EFR3A: variants seen among roughly 807,000 people sequenced by gnomAD.
EFR3A encodes protein EFR3 homolog A.
Under a neutral mutation model 104.4 loss-of-function variants are expected in EFR3A, and 76 were observed. The observed-to-expected ratio is 0.73, with a 90% confidence interval of 0.60 to 0.88. EFR3A has a LOEUF of 0.88. Among genes scored for constraint, EFR3A ranks in the 40% least tolerant of loss-of-function variants. The pLI is 0.00. For synonymous variants in EFR3A, 330 were observed against 330.0 expected, an observed-to-expected ratio of 1.00 and a Z score of 0.00; for missense variants, 985 against 1,012.5, an observed-to-expected ratio of 0.97 and a Z score of 0.37.
chr8:131,909,237 A>G (rs1816393948), intron 1 of EFR3A, among the ~76,000 whole-genome samples: 2 of 152,132 alleles, frequency 1.3e-5, no homozygotes, highest in Non-Finnish European at 2.9e-5. Flanking sequence ...TTTTTTTCCC[A>G]TAAAGATAGT....
At position 131,957,041 on chromosome 8, in the gene EFR3A, CTT is replaced by C. The variant is rs1819035357; in HGVS notation, c.776+1137_776+1138del. On this transcript the variant is annotated intron_variant, in intron 7 of 22. Coordinates refer to ENST00000254624, the MANE Select transcript of EFR3A (RefSeq NM_015137.6). ...AATAAGTTGTACTTGAGTTGAATAA[CTT>C]GAACTCAGTTATATTCTTTTCTACA... Among the ~76,000 whole-genome samples the C allele has an allele frequency of 2.6e-5, 4 of 152,020 alleles. No homozygotes were observed. In the South Asian group the frequency reaches 8.3e-4, roughly 32 times the overall value.
intron 18 of EFR3A, among the ~76,000 whole-genome samples, chr8:131,992,462 AC>A (rs1821239915): frequency 6.6e-6 from 1 of 152,110 alleles, no homozygotes; most frequent in African/African-American, 2.4e-5. Flanking sequence ...GAGATACAAA[AC>A]CCAGAGTCTC....
chr8:131,909,582 T>A (rs1440622770), intron 1 of EFR3A, among the ~76,000 whole-genome samples: 1 of 152,138 alleles, frequency 6.6e-6, no homozygotes, highest in Non-Finnish European at 1.5e-5. Flanking sequence ...TTTATGATTG[T>A]GTTCTTTGCA....
intron 1 of EFR3A, among the ~76,000 whole-genome samples, chr8:131,909,376 G>A (rs111930335): frequency 4.0e-5 from 6 of 151,896 alleles, no homozygotes; most frequent in South Asian, 2.1e-4. Flanking sequence ...CATAGACCCC[G>A]CCTCTACAGA....
intron 8 of EFR3A, among the ~76,000 whole-genome samples, chr8:131,964,377 C>T (rs539411905): frequency 0.02 from 2,980 of 152,168 alleles, 43 homozygotes; most frequent in South Asian, 0.042. Context: ...AGCAAAGTCT[C>T]AGGATACAAA....
intron 2 of EFR3A, among the ~76,000 whole-genome samples, chr8:131,942,307 A>G (rs1818204289): frequency 6.6e-6 from 1 of 152,154 alleles, no homozygotes; most frequent in Admixed American, 6.6e-5. Flanking sequence ...TCAATTTGCC[A>G]TGTTTCTTAT....
chr8:131,915,383 G>A, intron 1 of EFR3A, among the ~76,000 whole-genome samples: 1 of 152,150 alleles, frequency 6.6e-6, no homozygotes, highest in East Asian at 1.9e-4. Context: ...CTGTCAGTAT[G>A]TTCCTAGAAT....
intron 9 of EFR3A, among the ~76,000 whole-genome samples, chr8:131,969,279 G>A (rs1819920998): frequency 6.6e-6 from 1 of 152,072 alleles, no homozygotes; most frequent in African/African-American, 2.4e-5. Flanking sequence ...AATTCAAAGT[G>A]GAAATATATT....
intron 1 of EFR3A, among the ~76,000 whole-genome samples, chr8:131,939,478 G>A (rs1324488862): frequency 6.6e-6 from 1 of 152,128 alleles, no homozygotes; most frequent in Non-Finnish European, 1.5e-5. Context: ...TAAAAGCAGT[G>A]TATAGTGTAT....
chr8:132,002,768 G>C (rs1221422123), intron 21 of EFR3A, 62 bp downstream of exon 21: 2 of 1,334,968 alleles, frequency 1.5e-6, no homozygotes, highest in Non-Finnish European at 2.1e-6. Context: ...ACTCTTCCTT[G>C]GTGATTAGTT....
chr8:131,938,233 CTA>C, intron 1 of EFR3A: 1 of 397,890 alleles, frequency 2.5e-6, no homozygotes, highest in Non-Finnish European at 4.4e-6. Flanking sequence ...ACATGAAGGA[CTA>C]TGTTCAGGTA....
intron 1 of EFR3A, among the ~76,000 whole-genome samples, chr8:131,924,457 A>G (rs1817201088): frequency 6.6e-6 from 1 of 152,114 alleles, no homozygotes; most frequent in South Asian, 2.1e-4. Flanking sequence ...ATATATGTAC[A>G]AGGTTGTCTA....
rs575818829 is a variant in EFR3A, at chr8:131,919,709, G to C, written c.10+15387G>C. Reference sequence around the variant, plus strand: ...CTGGACAGATACTTTTAACAAATGTGAATTTTCAGATGCTCCATCTTTTCT... The same window carrying C: ...CTGGACAGATACTTTTAACAAATGTCAATTTTCAGATGCTCCATCTTTTCT... On this transcript the variant is annotated intron_variant, in intron 1 of 22. Coordinates refer to ENST00000254624, the MANE Select transcript of EFR3A (RefSeq NM_015137.6). 1.5e-4 allele frequency among the ~76,000 whole-genome samples: 22 copies of C among 151,488 alleles called. No individual in the cohort carries two copies. In the South Asian group the frequency reaches 4.4e-3, roughly 30 times the overall value.
intron 8 of EFR3A, among the ~76,000 whole-genome samples, chr8:131,963,781 T>C (rs1221329092): frequency 6.6e-6 from 1 of 152,144 alleles, no homozygotes; most frequent in Non-Finnish European, 1.5e-5. Flanking sequence ...AAGAGAATTT[T>C]AGACCAATAT....
chr8:131,963,192 C>G (rs562963756), intron 8 of EFR3A, among the ~76,000 whole-genome samples: 142 of 152,254 alleles, frequency 9.3e-4, no homozygotes, highest in African/African-American at 3.0e-3. Flanking sequence ...CATTCAAAAG[C>G]TAGCAGAAGG....
chr8:131,974,833 A>C (rs1336318215), intron 10 of EFR3A, among the ~76,000 whole-genome samples: 1 of 152,240 alleles, frequency 6.6e-6, no homozygotes, highest in Non-Finnish European at 1.5e-5. Flanking sequence ...TGAATAGAAC[A>C]GTTTGAGTTT....
chr8:131,964,430 A>G (rs1819577111), intron 8 of EFR3A, among the ~76,000 whole-genome samples: 1 of 151,920 alleles, frequency 6.6e-6, no homozygotes, highest in South Asian at 2.1e-4. Flanking sequence ...CACCAATAAC[A>G]GACAAACAGA....
chr8:131,975,954 C>T, intron 10 of EFR3A, 73 bp from the exon 11 acceptor site: 1 of 920,156 alleles, frequency 1.1e-6, no homozygotes, highest in Non-Finnish European at 1.7e-6. Context: ...AAAACTTTGG[C>T]TAAAAATAAT....
chr8:131,924,580 G>A (rs546255690), intron 1 of EFR3A, among the ~76,000 whole-genome samples: 253 of 152,148 alleles, frequency 1.7e-3, no homozygotes, highest in African/African-American at 5.9e-3. Flanking sequence ...AGTTCAGCTG[G>A]GTTAGTCATT....
Sources: gnomAD v4.1 joint callset for allele counts (sites outside exome capture counted in the v4.1 genomes callset) on GRCh38, gnomAD v4.1.1 for gene constraint, MANE v1.5 for transcripts, NCBI Gene and HGNC (gene_info 2026-07-23, HGNC 2026-07-21) for gene names.